The following RGS5 variants were observed in gnomAD, a reference collection of about 807,000 sequenced individuals.
RGS5 encodes regulator of G protein signaling 5.
In RGS5, 20 loss-of-function variants were observed where a neutral mutation model predicts 18.9. That is an observed-to-expected ratio of 1.06 (90% confidence interval 0.74 to 1.54). RGS5 has a LOEUF of 1.54. Ranked by LOEUF, RGS5 falls within the 40% of genes most tolerant of loss-of-function variation. The probability of loss-of-function intolerance (pLI) is 0.00; values close to 1 mark genes in which losing one functional copy is unlikely to be tolerated. For synonymous variants in RGS5, 57 were observed against 76.2 expected (o/e 0.75, Z 1.31); for missense variants, 201 against 211.8 (o/e 0.95, Z 0.32).
intron 1 of RGS5, among the ~76,000 whole-genome samples, chr1:163,199,287 G>A (rs759675379): frequency 6.6e-6 from 1 of 152,016 alleles, no homozygotes; most frequent in Non-Finnish European, 1.5e-5. Context: ...ACATATAAAA[G>A]TATGCGAGTC....
At chr1:163,202,044 G>A (rs1357324692) in intron 1 of RGS5, among the ~76,000 whole-genome samples, 6 of 152,086 alleles carry the variant, frequency 3.9e-5, no homozygotes, top group Non-Finnish European at 7.4e-5. Context: ...TCCAGCCTAC[G>A]GACAACCAGG....
chr1:163,245,863 C>T (rs1462608527), intron 2 of RGS5, among the ~76,000 whole-genome samples: 1 of 152,226 alleles, frequency 6.6e-6, no homozygotes, highest in Admixed American at 6.5e-5. Flanking sequence ...TCTTCAGATA[C>T]ATCACTCAGA....
chr1:163,299,400 G>C (rs1188283269), intron 2 of RGS5, among the ~76,000 whole-genome samples: 1 of 152,116 alleles, frequency 6.6e-6, no homozygotes, highest in East Asian at 1.9e-4. Flanking sequence ...AAAAACTCAG[G>C]GAGTCCATTG....
chr1:163,234,395 C>A (rs1031319904), intron 2 of RGS5, among the ~76,000 whole-genome samples: 2 of 151,970 alleles, frequency 1.3e-5, no homozygotes, highest in African/African-American at 4.8e-5. Flanking sequence ...TTATATATTG[C>A]CTGATTCAAT....
intron 2 of RGS5, chr1:163,304,630 T>G (rs1194731772): frequency 6.6e-6 from 1 of 152,226 alleles, no homozygotes; most frequent in Non-Finnish European, 1.5e-5. Flanking sequence ...TATATTAATA[T>G]GCACACACAA....
chr1:163,202,802 A>T lies in RGS5; in HGVS notation c.34T>A (p.Cys12Ser). Residue 12 changes from cysteine (C) to serine (S), a missense_variant, in exon 1 of 5, where the codon TGC (cysteine) becomes AGC (serine). Coordinates refer to ENST00000313961, the MANE Select transcript of RGS5 (RefSeq NM_003617.4). Reference sequence around the variant, plus strand: ...TAACTTGGTTCTCACCTTTCCAGGCATGAGTGGGGCAAAGCTGCAAGTCCT... The same window carrying T: ...TAACTTGGTTCTCACCTTTCCAGGCTTGAGTGGGGCAAAGCTGCAAGTCCT... ...CKGLAALPHS[C>S]LERAKEIKIK... is the part of the protein sequence containing the mutation. 1 of 1,613,564 alleles carries T rather than the reference A, an allele frequency of 6.2e-7. No homozygotes were observed. The highest frequency in any genetic ancestry group is 8.5e-7 in the Non-Finnish European group (1 of 1,179,660).
rs547566810 is a variant in RGS5 at position 163,246,439 on chromosome 1, C to T, written c.-281+59794G>A. ...ACAAAAAATTAGCTGGGCACAGTGG[C>T]GTGCACCTGTAGTCCCAGCTACTCA... On this transcript the variant is annotated intron_variant, in intron 2 of 5. Transcript: ENST00000618415. Among the ~76,000 whole-genome samples, 24 of 151,640 alleles carry T rather than the reference C, an allele frequency of 1.6e-4. 1 individual carries two copies. In the South Asian group the frequency reaches 3.1e-3, roughly 20 times the overall value.
At chr1:163,300,074 G>A (rs532591065) in intron 2 of RGS5, among the ~76,000 whole-genome samples, 27 of 152,250 alleles carry the variant, frequency 1.8e-4, no homozygotes, top group Admixed American at 1.3e-3. Context: ...CATGTTTCCC[G>A]AGGTAAACAG....
chr1:163,267,435 T>C (rs1648597977), intron 2 of RGS5: 1 of 152,148 alleles, frequency 6.6e-6, no homozygotes, highest in Non-Finnish European at 1.5e-5. Flanking sequence ...AGGGTTGTGA[T>C]TTGAACATTG....
At chr1:163,287,279 A>G (rs1319305847) in intron 2 of RGS5, among the ~76,000 whole-genome samples, 1 of 152,318 alleles carries the variant, frequency 6.6e-6, no homozygotes, top group East Asian at 1.9e-4. Context: ...ACAGCAGAAC[A>G]GTTCCCCCTT....
At chr1:163,186,784 T>G (rs1659107792) in intron 1 of RGS5, among the ~76,000 whole-genome samples, 1 of 152,100 alleles carries the variant, frequency 6.6e-6, no homozygotes, top group South Asian at 2.1e-4. Flanking sequence ...TCTTTTCTCA[T>G]CTATACAAGA....
chr1:163,203,472 C>T (rs921581059), upstream of RGS5, among the ~76,000 whole-genome samples: 1 of 152,064 alleles, frequency 6.6e-6, no homozygotes, highest in Non-Finnish European at 1.5e-5. Flanking sequence ...TGATGGAGGC[C>T]GGGCTGGGAT....
chr1:163,292,173 C>G (rs1371887019), intron 2 of RGS5, among the ~76,000 whole-genome samples: 1 of 152,058 alleles, frequency 6.6e-6, no homozygotes, highest in Admixed American at 6.6e-5. Flanking sequence ...CTCTTCTACC[C>G]CCCACCCTCT....
At chr1:163,235,964 T>G (rs573478762) in intron 2 of RGS5, among the ~76,000 whole-genome samples, 1 of 152,208 alleles carries the variant, frequency 6.6e-6, no homozygotes, top group Non-Finnish European at 1.5e-5. Flanking sequence ...TAGCCATGAA[T>G]CTTTTCAAGA....
In RGS5 at chr1:163,178,966, C is replaced by T. The variant is rs183248248; in HGVS notation, c.45-10598G>A. Among the ~76,000 whole-genome samples the T allele has an allele frequency of 6.7e-4, 102 of 152,270 alleles. No individual in the cohort carries two copies. In the Middle Eastern group the frequency reaches 0.014, roughly 20 times the overall value. On this transcript the variant is annotated intron_variant, in intron 1 of 4. Coordinates refer to ENST00000313961, the MANE Select transcript of RGS5 (RefSeq NM_003617.4). ...ATTCTATTACTACAGTCAAAAGTAACGTGTTGAATTGTGTTAAATCTTCCC... is the reference window on the plus strand; with the variant it reads ...ATTCTATTACTACAGTCAAAAGTAATGTGTTGAATTGTGTTAAATCTTCCC...
In RGS5 at chr1:163,240,922, C is replaced by A. The variant is rs143946028; in HGVS notation, c.-281+65311G>T. Reference sequence around the variant, plus strand: ...GATGGCACACGCCTATAGCCCCAGGCACCATGACTTTGTTGGTTGTTCCTC... The same window carrying A: ...GATGGCACACGCCTATAGCCCCAGGAACCATGACTTTGTTGGTTGTTCCTC... On this transcript the variant is annotated intron_variant, in intron 2 of 5. Coordinates refer to the RGS5 transcript ENST00000618415. Among the ~76,000 whole-genome samples, 51 of 152,272 alleles carry A rather than the reference C, an allele frequency of 3.3e-4. No individual in the cohort carries two copies. The East Asian group carries it at 9.1e-3, about 27-fold the overall frequency.
chr1:163,317,728 C>T (rs1382706843), intron 1 of RGS5, among the ~76,000 whole-genome samples: 2 of 152,214 alleles, frequency 1.3e-5, no homozygotes, highest in Non-Finnish European at 2.9e-5. Context: ...TCTAGAATCT[C>T]TCAGTTCCTA....
chr1:163,183,964 A>T (rs549255661), intron 1 of RGS5, among the ~76,000 whole-genome samples: 2 of 152,208 alleles, frequency 1.3e-5, no homozygotes, highest in African/African-American at 4.8e-5. Context: ...TGCAAATCAC[A>T]TTCCTGAAAA....
In RGS5 at chr1:163,147,141, A is replaced by G; in HGVS notation, c.*201T>C. The G allele has an allele frequency of 2.4e-6, 1 of 414,110 alleles. No homozygotes were observed. Among genetic ancestry groups the G allele is most frequent in the Non-Finnish European group, 4.2e-6 (1 of 237,826 alleles). The allele number at this position is 414,110 out of a possible 1,614,324, so 25.7% of individuals were successfully genotyped here. On this transcript the variant is annotated 3_prime_UTR_variant, in exon 5 of 5. Transcript: ENST00000313961. ...ATTAATAACAGGGCAGGAAGAATTG[A>G]GTGGGGAAAGAAGGCCTTCGGACAG...
Sources: allele counts gnomAD v4.1 joint callset (sites outside exome capture counted in the v4.1 genomes callset), GRCh38; gene constraint gnomAD v4.1.1; transcripts MANE v1.5; gene names NCBI Gene and HGNC (gene_info 2026-07-23, HGNC 2026-07-21).